Variants in FOXP2 observed in about 807,000 individuals in gnomAD.
FOXP2 encodes forkhead box protein P2.
FOXP2 carries 12 observed loss-of-function variants against 115.8 expected under a neutral mutation model. That is an observed-to-expected ratio of 0.10 (90% CI 0.07 to 0.17). FOXP2 has a LOEUF of 0.17. Among genes scored for constraint, FOXP2 ranks in the 10% least tolerant of loss-of-function variants. The pLI is 1.00. For missense variants in FOXP2, 629 were observed against 843.5 expected (o/e 0.75, Z 3.15); for synonymous variants, 328 against 297.7 (o/e 1.10, Z -1.05).
intron 1 of FOXP2, among the ~76,000 whole-genome samples, chr7:114,282,745 GC>G (rs1796370890): frequency 3.3e-5 from 5 of 152,076 alleles, no homozygotes. Context: ...ATTATAATGG[GC>G]ACTGTGTATC....
chr7:114,430,532 G>C (rs1310088096), intron 2 of FOXP2, among the ~76,000 whole-genome samples: 1 of 151,728 alleles, frequency 6.6e-6, no homozygotes, highest in Non-Finnish European at 1.5e-5. Context: ...ATAGTGGCAA[G>C]TTTACAACGA....
intron 6 of FOXP2, 122 bp downstream of exon 6, chr7:114,631,827 G>A (rs549862926): frequency 1.1e-5 from 11 of 990,356 alleles, no homozygotes; most frequent in South Asian, 8.6e-5. Context: ...TTATTAAAAC[G>A]TGATTGTTAA....
upstream of FOXP2, among the ~76,000 whole-genome samples, chr7:114,162,671 G>A (rs1320694765): frequency 1.3e-5 from 2 of 151,854 alleles, no homozygotes; most frequent in African/African-American, 4.8e-5. Context: ...CATTTGAGTA[G>A]GCTTTGTAGT....
chr7:114,170,291 T>G (rs1793103128), intron 1 of FOXP2, among the ~76,000 whole-genome samples: 1 of 152,188 alleles, frequency 6.6e-6, no homozygotes, highest in Admixed American at 6.5e-5. Flanking sequence ...CTCCACCAAC[T>G]GGTCCTTCCC....
At chr7:114,422,221 C>T (rs944432853) in intron 1 of FOXP2, among the ~76,000 whole-genome samples, 1 of 151,652 alleles carries the variant, frequency 6.6e-6, no homozygotes, top group Non-Finnish European at 1.5e-5. Context: ...AGATATTAGA[C>T]ATAAAGTGTC....
At chr7:114,151,885 T>C (rs1249998322) in intron 1 of FOXP2, among the ~76,000 whole-genome samples, 1 of 152,046 alleles carries the variant, frequency 6.6e-6, no homozygotes, top group Non-Finnish European at 1.5e-5. Context: ...GTTCAGACTT[T>C]AGTGTGGAAG....
intron 2 of FOXP2, among the ~76,000 whole-genome samples, chr7:114,330,262 A>G (rs576580205): frequency 6.6e-6 from 1 of 152,130 alleles, no homozygotes; most frequent in Admixed American, 6.6e-5. Flanking sequence ...CTTGCATTCT[A>G]TCATTAAAAA....
At chr7:114,482,611 T>C (rs1191708774) in intron 2 of FOXP2, among the ~76,000 whole-genome samples, 5 of 151,628 alleles carry the variant, frequency 3.3e-5, no homozygotes, top group African/African-American at 1.2e-4. Context: ...ATTTTACTGC[T>C]TTTTTGGTTC....
Position 114,690,132 on chromosome 7 carries a change from T to A in FOXP2, c.*206T>A. On this transcript the variant is annotated 3_prime_UTR_variant, in exon 17 of 17. Transcript: ENST00000350908. ...TTGTTTTCTTCTTCTTCTTCTTCTT[T>A]TTTTTTTTTTTTTTAGAAAAAAAGA... The A allele has an allele frequency of 2.2e-5, 5 of 230,666 alleles. No individual in the cohort carries two copies. The highest frequency in any genetic ancestry group is 6.0e-5 in the East Asian group (1 of 16,650). The allele number at this position is 230,666 out of a possible 1,614,324, so 14.3% of individuals were successfully genotyped here.
At chr7:114,654,442 C>G (rs1806459710) in intron 10 of FOXP2, among the ~76,000 whole-genome samples, 1 of 152,090 alleles carries the variant, frequency 6.6e-6, no homozygotes, top group South Asian at 2.1e-4. Flanking sequence ...AATATTTTGT[C>G]ATAAAGGTCA....
upstream of FOXP2, among the ~76,000 whole-genome samples, chr7:114,410,675 T>C (rs939761189): frequency 6.6e-6 from 1 of 151,924 alleles, no homozygotes; most frequent in African/African-American, 2.4e-5. Flanking sequence ...ATGAGGAGAG[T>C]TGACTTTCAA....
chr7:114,565,983 T>G (rs1488159589), intron 3 of FOXP2, among the ~76,000 whole-genome samples: 2 of 152,114 alleles, frequency 1.3e-5, no homozygotes, highest in East Asian at 3.9e-4. Context: ...TAAAATTTGT[T>G]TTTCAGAAAT....
intron 1 of FOXP2, among the ~76,000 whole-genome samples, chr7:114,205,761 CTCT>C (rs1794184551): frequency 6.6e-6 from 1 of 152,172 alleles, no homozygotes; most frequent in Non-Finnish European, 1.5e-5. Context: ...AGCAAAGTGG[CTCT>C]TCAAGTTCTC....
intron 2 of FOXP2, among the ~76,000 whole-genome samples, chr7:114,487,616 A>C (rs898507859): frequency 2.0e-5 from 3 of 152,048 alleles, no homozygotes; most frequent in Non-Finnish European, 4.4e-5. Context: ...CCTCTTGAAT[A>C]CTTTGTTGCT....
At chr7:114,464,303 G>A (rs1029654027) in intron 2 of FOXP2, among the ~76,000 whole-genome samples, 6 of 151,768 alleles carry the variant, frequency 4.0e-5, no homozygotes, top group African/African-American at 1.2e-4. Context: ...ACAAAATTGT[G>A]ACCAGAACAG....
rs1436481597 is a variant in FOXP2 at position 114,676,807 on chromosome 7, T to A, written c.2003+12371T>A. 4.6e-5 allele frequency among the ~76,000 whole-genome samples: 7 copies of A among 152,258 alleles called. No homozygotes were observed. In the South Asian group the frequency reaches 1.5e-3, roughly 32 times the overall value. ...AATTAGTAAACCACATACAAACAAT[T>A]TTAATCTAGTCTAAAATTTAGTCTT... On this transcript the variant is annotated intron_variant, in intron 16 of 16. Coordinates refer to ENST00000350908, the MANE Select transcript of FOXP2 (RefSeq NM_014491.4).
At chr7:114,551,110 A>G (rs1166683328) in intron 3 of FOXP2, among the ~76,000 whole-genome samples, 5 of 152,190 alleles carry the variant, frequency 3.3e-5, no homozygotes, top group Non-Finnish European at 4.4e-5. Context: ...ACAAATGATT[A>G]TCATGCTCCA....
intron 1 of FOXP2, among the ~76,000 whole-genome samples, chr7:114,258,133 C>T (rs1795666767): frequency 6.6e-6 from 1 of 151,978 alleles, no homozygotes; most frequent in African/African-American, 2.4e-5. Flanking sequence ...AAGGCAAAAC[C>T]AGAAATACTA....
chr7:114,191,172 T>A (rs1448379987), intron 1 of FOXP2, among the ~76,000 whole-genome samples: 1 of 152,210 alleles, frequency 6.6e-6, no homozygotes, highest in East Asian at 1.9e-4. Context: ...GGTTTATTCC[T>A]TTTTTGAATA....
Sources: gnomAD v4.1 joint callset for allele counts (sites outside exome capture counted in the v4.1 genomes callset) on GRCh38, gnomAD v4.1.1 for gene constraint, MANE v1.5 for transcripts, NCBI Gene and HGNC (gene_info 2026-07-23, HGNC 2026-07-21) for gene names.